KIF13A: variants seen among roughly 807,000 people sequenced by gnomAD.
KIF13A encodes kinesin family member 13A, also known as kinesin-like protein KIF13A.
KIF13A carries 79 observed loss-of-function variants against 212.2 expected under a neutral mutation model. That is an observed-to-expected ratio of 0.37 (90% CI 0.31 to 0.45). The LOEUF (loss-of-function observed/expected upper bound fraction) is 0.45. Ranked by LOEUF, KIF13A falls within the 20% of genes least tolerant of loss-of-function variation. The pLI is 1.00. For synonymous variants in KIF13A, 789 were observed against 808.6 expected, an observed-to-expected ratio of 0.98 and a Z score of 0.41; for missense variants, 1,901 against 2,209.0, an observed-to-expected ratio of 0.86 and a Z score of 2.79.
At chr6:17,955,619 G>C (rs1778290833) in intron 2 of KIF13A, among the ~76,000 whole-genome samples, 1 of 152,188 alleles carries the variant, frequency 6.6e-6, no homozygotes, top group African/African-American at 2.4e-5. Context: ...TCTTATTTAA[G>C]AACAGCAGTG....
chr6:17,928,963 C>A (rs550434198), intron 2 of KIF13A, among the ~76,000 whole-genome samples: 3 of 149,646 alleles, frequency 2.0e-5, no homozygotes, highest in Admixed American at 2.0e-4. Flanking sequence ...CTATAAATAA[C>A]CTAAAAGCTA....
chr6:17,851,675 T>G (rs776524952), intron 7 of KIF13A, among the ~76,000 whole-genome samples: 11 of 152,218 alleles, frequency 7.2e-5, no homozygotes, highest in Non-Finnish European at 1.5e-4. Context: ...ACTGGCATCA[T>G]TGGGAGAACA....
At position 17,799,340 on chromosome 6, in the gene KIF13A, G is replaced by A. The variant is rs1335134210; in HGVS notation, c.2716C>T (p.Pro906Ser). ...GAAGGCACCTCGGGGTCCACCACCG[G>A]GGCAGCCACCGTAGACTCACACTGG... The part of the protein sequence containing the change: ...WDQCESTVAA[P>S]VVDPEVPSPQ... Residue 906 changes from proline (P) to serine (S), a missense_variant, in exon 22 of 39, where the codon CCG becomes TCG. By Grantham distance (74) the Pro-to-Ser change is moderately conservative (BLOSUM62 -1). Coordinates refer to ENST00000259711, the MANE Select transcript of KIF13A (RefSeq NM_022113.6). The surrounding 1 kb of genome is among the most constrained non-coding windows in gnomAD (Gnocchi z 4.4). 1.9e-6 allele frequency: 3 copies of A among 1,613,134 alleles called. No homozygotes were observed. Among genetic ancestry groups the A allele is most frequent in the South Asian group, 1.1e-5 (1 of 90,876 alleles).
In KIF13A at chr6:17,987,296, C is replaced by T; in HGVS notation, c.55+113G>A. ...ACCACGGCCAGCGCGGACGCCGCCT[C>T]CGCCCCGGCCCCCCGGCCCCGGCCG... On this transcript the variant is annotated intron_variant, in intron 1 of 38. Coordinates refer to ENST00000259711, the MANE Select transcript of KIF13A (RefSeq NM_022113.6). This position sits in a 1 kb window ranked among gnomAD's most constrained non-coding sequence, Gnocchi z 7.7. 1.1e-6 allele frequency: 1 copy of T among 890,070 alleles called. No individual in the cohort carries two copies. Among genetic ancestry groups the T allele is most frequent in the Non-Finnish European group, 1.4e-6 (1 of 691,460 alleles). The allele number at this position is 890,070 out of a possible 1,614,324, so 55.1% of individuals were successfully genotyped here. A position where few individuals can be genotyped will look rare whatever the true frequency, so the allele number is the denominator to read the frequency against.
intron 2 of KIF13A, among the ~76,000 whole-genome samples, chr6:17,959,178 T>C (rs1278764994): frequency 6.6e-6 from 1 of 152,146 alleles, no homozygotes; most frequent in Non-Finnish European, 1.5e-5. Flanking sequence ...GCTACATACA[T>C]CTTATCATTC....
intron 2 of KIF13A, among the ~76,000 whole-genome samples, chr6:17,976,681 G>T (rs1581929031): frequency 1.3e-5 from 2 of 152,216 alleles, no homozygotes; most frequent in East Asian, 3.9e-4. Context: ...CGCCAAAGTG[G>T]GAGCTCAGGC....
intron 3 of KIF13A, among the ~76,000 whole-genome samples, chr6:17,879,275 G>A (rs566995330): frequency 9.9e-5 from 15 of 152,258 alleles, no homozygotes; most frequent in African/African-American, 3.4e-4. Flanking sequence ...CAGGAACTAT[G>A]TTCCATGCAC....
chr6:17,867,300 A>C (rs1411414914), intron 4 of KIF13A, among the ~76,000 whole-genome samples: 1 of 152,240 alleles, frequency 6.6e-6, no homozygotes, highest in Non-Finnish European at 1.5e-5. Context: ...TAATTTATAA[A>C]AGACCATAAA....
intron 2 of KIF13A, among the ~76,000 whole-genome samples, chr6:17,929,957 T>C (rs779394981): frequency 4.9e-4 from 74 of 152,302 alleles, no homozygotes; most frequent in Middle Eastern, 3.4e-3. Flanking sequence ...AACGGCACAG[T>C]TGAAAGACAG....
rs1766282074 is a variant in KIF13A, at chr6:17,839,318, A to C, written c.831-1735T>G. On this transcript the variant is annotated intron_variant, in intron 9 of 38. Coordinates refer to ENST00000259711, the MANE Select transcript of KIF13A (RefSeq NM_022113.6). This position sits in a 1 kb window ranked among gnomAD's most constrained non-coding sequence, Gnocchi z 4.3. ...AATCTAACCCAAGAGAAGTGAAAAC[A>C]TAAGTCTACACAGAAACTTGTACAT... Among the ~76,000 whole-genome samples the C allele has an allele frequency of 6.6e-6, 1 of 152,232 alleles. No individual in the cohort carries two copies. Among genetic ancestry groups the C allele is most frequent in the Admixed American group, 6.5e-5 (1 of 15,280 alleles).
chr6:17,849,480 C>T lies in KIF13A; in HGVS notation c.727G>A (p.Glu243Lys), dbSNP rs755685728. Residue 243 changes from glutamate to lysine, a missense_variant, in exon 9 of 39, where the codon GAG becomes AAG. Transcript: ENST00000259711. The surrounding 1 kb of genome is among the most constrained non-coding windows in gnomAD (Gnocchi z 5.7). Reference protein sequence around the residue: ...LYDLQSGNSGEKVSKVSLVDL... With the variant: ...LYDLQSGNSGKKVSKVSLVDL... ...ACCAAGCTGACCTTACTGACTTTCTCCCCGGAATTCTAGTTATAGGAAACG... is the reference window on the plus strand; with the variant it reads ...ACCAAGCTGACCTTACTGACTTTCTTCCCGGAATTCTAGTTATAGGAAACG... 6.2e-7 allele frequency: 1 copy of T among 1,612,818 alleles called. No individual in the cohort carries two copies. Among genetic ancestry groups the T allele is most frequent in the South Asian group, 1.1e-5 (1 of 90,884 alleles).
intron 2 of KIF13A, among the ~76,000 whole-genome samples, chr6:17,959,527 A>G (rs1378881908): frequency 6.6e-6 from 1 of 152,218 alleles, no homozygotes; most frequent in Non-Finnish European, 1.5e-5. Context: ...ATTCTTAGAA[A>G]AATAAACTGG....
At chr6:17,909,955 G>A (rs1012797803) in intron 2 of KIF13A, among the ~76,000 whole-genome samples, 3 of 152,182 alleles carry the variant, frequency 2.0e-5, no homozygotes, top group Non-Finnish European at 4.4e-5. Context: ...TATAAAGTTG[G>A]ACACATTTAT....
intron 9 of KIF13A, among the ~76,000 whole-genome samples, chr6:17,846,588 C>T (rs1448739141): frequency 8.5e-6 from 1 of 117,108 alleles, no homozygotes; most frequent in Non-Finnish European, 1.6e-5. Context: ...GTCAACATAG[C>T]GAGACCCCAT....
intron 2 of KIF13A, among the ~76,000 whole-genome samples, chr6:17,985,333 C>G (rs985601991): frequency 2.0e-5 from 3 of 152,062 alleles, no homozygotes; most frequent in African/African-American, 4.8e-5. Context: ...TGGTTCAGCC[C>G]GAAAAATGAT....
chr6:17,981,197 G>A (rs564715885), intron 2 of KIF13A, among the ~76,000 whole-genome samples: 12 of 151,418 alleles, frequency 7.9e-5, no homozygotes, highest in African/African-American at 2.4e-4. Context: ...GAAATAATTC[G>A]GTAAGACATA....
At chr6:17,832,976 T>C (rs1284362772) in intron 12 of KIF13A, among the ~76,000 whole-genome samples, 6 of 125,700 alleles carry the variant, frequency 4.8e-5, no homozygotes, top group Non-Finnish European at 9.3e-5. Context: ...ATTGCGCCAC[T>C]GCACTCCAGC....
chr6:17,972,118 T>C (rs1779855476), intron 2 of KIF13A, among the ~76,000 whole-genome samples: 1 of 152,240 alleles, frequency 6.6e-6, no homozygotes, highest in African/African-American at 2.4e-5. Flanking sequence ...TAACTCTTTG[T>C]AAGTCTAGAT....
chr6:17,910,940 T>C (rs1051270110), intron 2 of KIF13A, among the ~76,000 whole-genome samples: 1 of 152,170 alleles, frequency 6.6e-6, no homozygotes, highest in Non-Finnish European at 1.5e-5. Flanking sequence ...TGTTTTTGTA[T>C]TTTTAGTAGA....
Sources: allele counts gnomAD v4.1 joint callset (sites outside exome capture counted in the v4.1 genomes callset), GRCh38; gene constraint gnomAD v4.1.1; non-coding constraint Gnocchi (gnomAD v3.1); transcripts MANE v1.5; gene names NCBI Gene and HGNC (gene_info 2026-07-23, HGNC 2026-07-21).